Variants in ICAM3 observed in about 807,000 individuals in gnomAD.
ICAM3 encodes the protein intercellular adhesion molecule 3, also known as ICAM-3.
Under a neutral mutation model 43.6 loss-of-function variants are expected in ICAM3, and 54 were observed. The ratio of observed to expected loss-of-function variants is 1.24; its 90% CI spans 0.99 to 1.55. The LOEUF (loss-of-function observed/expected upper bound fraction) is 1.55, where lower values mean the gene tolerates loss of function less well. ICAM3 is among the 40% of genes most tolerant of loss of function. The pLI is 0.00. For missense variants in ICAM3, 715 were observed against 717.9 expected, an observed-to-expected ratio of 1.00 and a Z score of 0.05; for synonymous variants, 306 against 312.6, an observed-to-expected ratio of 0.98 and a Z score of 0.22.
chr19:10,334,510 T>A lies in ICAM3; in HGVS notation c.1192+18A>T, dbSNP rs1352630129. 1 of 1,602,510 alleles carries A rather than the reference T, an allele frequency of 6.2e-7. No homozygotes were observed. Among genetic ancestry groups the A allele is most frequent in the Non-Finnish European group, 8.5e-7 (1 of 1,172,442 alleles). On this transcript the variant is annotated intron_variant, in intron 5 of 6. Coordinates refer to ENST00000160262, the MANE Select transcript of ICAM3 (RefSeq NM_002162.5). The surrounding 1 kb of genome is among the most constrained non-coding windows in gnomAD (Gnocchi z 5.5). The stretch of plus-strand genomic sequence containing the variant: ...AGGGCAGGGGTGGAGGGATTAAAGG[T>A]CAGGGTGACCGACTCACACAGGACT...
intron 2 of ICAM3, 78 bp downstream of exon 2, chr19:10,338,604 C>CT: frequency 6.5e-6 from 9 of 1,377,954 alleles, no homozygotes; most frequent in Non-Finnish European, 9.1e-6. Context: ...AACTGAGGGT[C>CT]CCCACTCTCC....
chr19:10,334,491 G>A lies in ICAM3; in HGVS notation c.1192+37C>T. On this transcript the variant is annotated intron_variant, in intron 5 of 6. Coordinates refer to ENST00000160262, the MANE Select transcript of ICAM3 (RefSeq NM_002162.5). This position sits in a 1 kb window ranked among gnomAD's most constrained non-coding sequence, Gnocchi z 5.5. ...AGGAGCGTCTAATCTTTCCAGGGCA[G>A]GGGTGGAGGGATTAAAGGTCAGGGT... The A allele has an allele frequency of 6.2e-7, 1 of 1,602,706 alleles. No individual in the cohort carries two copies. The highest frequency in any genetic ancestry group is 1.3e-5 in the African/African-American group (1 of 74,892).
intron 2 of ICAM3, among the ~76,000 whole-genome samples, chr19:10,337,879 T>C (rs7253912): frequency 0.2 from 30,645 of 152,024 alleles, 3,185 homozygotes; most frequent in South Asian, 0.26. Context: ...CCTCCTGCCT[T>C]GGCCTCCCAA....
Position 10,334,829 on chromosome 19 carries a change from G to A in ICAM3, c.938-47C>T, listed in dbSNP as rs2040569624. On this transcript the variant is annotated intron_variant, in intron 4 of 6. Transcript: ENST00000160262. This position sits in a 1 kb window ranked among gnomAD's most constrained non-coding sequence, Gnocchi z 5.5. ...GGAGCTTAATGAACAGGACCTTCCT[G>A]TGGGTCAAGCCGCTCCCTCCGCCCT... 2.0e-6 allele frequency: 3 copies of A among 1,530,278 alleles called. No individual in the cohort carries two copies. The highest frequency in any genetic ancestry group is 2.1e-5 in the Admixed American group (1 of 48,562). The allele number at this position is 1,530,278 out of a possible 1,614,324, so 94.8% of individuals were successfully genotyped here.
In ICAM3 at chr19:10,334,343, C is replaced by G. The variant is rs2040559912; in HGVS notation, c.1258G>C (p.Val420Leu). Residue 420 changes from valine (V) to leucine (L), a missense_variant, in exon 6 of 7, where the codon GTC (valine) becomes CTC (leucine). Val to Leu is a conservative substitution (Grantham distance 32, BLOSUM62 1). Coordinates refer to ENST00000160262, the MANE Select transcript of ICAM3 (RefSeq NM_002162.5). This position sits in a 1 kb window ranked among gnomAD's most constrained non-coding sequence, Gnocchi z 5.5. ...TTGCCCCTGGCTTGGCACTGCAGGA[C>G]GTGTCTCGTTTTATCTTTCCATTTC... is the stretch of plus-strand genomic sequence containing the variant. ...HLKWKDKTRHVLQCQARGNPY... is the reference protein window; with the variant it reads ...HLKWKDKTRHLLQCQARGNPY... 1 of 1,614,180 alleles carries G rather than the reference C, an allele frequency of 6.2e-7. No homozygotes were observed. Among genetic ancestry groups the G allele is most frequent in the Admixed American group, 1.7e-5 (1 of 60,008 alleles).
At chr19:10,336,662 C>G (rs1425613891) in intron 2 of ICAM3, among the ~76,000 whole-genome samples, 2 of 151,922 alleles carry the variant, frequency 1.3e-5, no homozygotes, top group African/African-American at 4.8e-5. Flanking sequence ...AAAAATTAGC[C>G]AGGCATGGTA....
rs762850714 is a variant in ICAM3 at position 10,333,958 on chromosome 19, G to T, written c.1543C>A (p.Arg515=). The T allele has an allele frequency of 4.3e-6, 7 of 1,614,016 alleles. No homozygotes were observed. ...TCCCTAACATGGTAACTGCCGCTCC[G>T]TTGGTGCTCCCTGAAGACGTACATT... ...ALMYVFREHQ[R]SGSYHVREES... is the part of the protein sequence containing the mutation. Residue 515 remains arginine, a synonymous_variant, in exon 7 of 7, where the codon CGG becomes AGG. Coordinates refer to ENST00000160262, the MANE Select transcript of ICAM3 (RefSeq NM_002162.5). This position sits in a 1 kb window ranked among gnomAD's most constrained non-coding sequence, Gnocchi z 4.2.
In ICAM3 at chr19:10,333,863, A is replaced by C; in HGVS notation, c.1638T>G (p.Ala546=). The C allele has an allele frequency of 6.2e-7, 1 of 1,613,448 alleles. No homozygotes were observed. The highest frequency in any genetic ancestry group is 1.7e-4 in the Middle Eastern group (1 of 6,060). Residue 546 remains alanine (A), a synonymous_variant, in exon 7 of 7, where the codon GCT becomes GCG. Transcript: ENST00000160262. This position sits in a 1 kb window ranked among gnomAD's most constrained non-coding sequence, Gnocchi z 4.2. ...TEAMGEEPSR[A]E ...TTGATCCCGGATCCCAGCGTCACTC[A>C]GCTCTGGACGGTTCTTCCCCCATTG...
At chr19:10,335,508 C>G in intron 3 of ICAM3, 155 bp from the exon 4 acceptor site, 1 of 1,091,112 alleles carries the variant, frequency 9.2e-7, no homozygotes, top group Non-Finnish European at 1.3e-6. Flanking sequence ...AAAGATCCCA[C>G]GGCTCGGGCC....
rs2040625372 is a variant in ICAM3, at chr19:10,338,844, C to A, written c.181G>T (p.Glu61Ter). 1 of 1,614,080 alleles carries A rather than the reference C, an allele frequency of 6.2e-7. No homozygotes were observed. The highest frequency in any genetic ancestry group is 1.3e-5 in the African/African-American group (1 of 74,926). ...VNCSTDCPSS[E>*]KIALETSLSK... ...AGGGACGTCTCCAAGGCGATTTTCT[C>A]AGAGCTGGGACAATCAGTACTGCAG... is the stretch of plus-strand genomic sequence containing the variant. Residue 61 changes from glutamate (E) to a stop codon, truncating the protein, a stop_gained, in exon 2 of 7, where the codon GAG becomes TAG. Coordinates refer to ENST00000160262, the MANE Select transcript of ICAM3 (RefSeq NM_002162.5). LOFTEE classifies it high-confidence loss of function.
chr19:10,334,010 C>G lies in ICAM3; in HGVS notation c.1491G>C (p.Leu497=). 2 of 1,614,140 alleles carry G rather than the reference C, an allele frequency of 1.2e-6. No individual in the cohort carries two copies. The highest frequency in any genetic ancestry group is 1.7e-6 in the Non-Finnish European group (2 of 1,180,038). The part of the protein sequence containing the change: ...VPVFVAVLLT[L]GVVTIVLALM... ...AGGCCAGTACGATAGTCACCACGCCCAGGGTCAGTAACACCGCCACGAAGA... is the reference window on the plus strand; with the variant it reads ...AGGCCAGTACGATAGTCACCACGCCGAGGGTCAGTAACACCGCCACGAAGA... Residue 497 remains leucine, a synonymous_variant, in exon 7 of 7, where the codon CTG becomes CTC. Coordinates refer to ENST00000160262, the MANE Select transcript of ICAM3 (RefSeq NM_002162.5). This position sits in a 1 kb window ranked among gnomAD's most constrained non-coding sequence, Gnocchi z 5.5.
At chr19:10,338,325 C>T (rs1169078764) in intron 2 of ICAM3, among the ~76,000 whole-genome samples, 2 of 151,708 alleles carry the variant, frequency 1.3e-5, no homozygotes, top group Non-Finnish European at 2.9e-5. Context: ...ATCACTTGAA[C>T]CCAGGAGGCG....
intron 1 of ICAM3, 122 bp downstream of exon 1, chr19:10,339,417 C>G: frequency 1.2e-6 from 1 of 831,146 alleles, no homozygotes; most frequent in South Asian, 1.6e-5. Context: ...CCCGAGGATA[C>G]AGAGTCAGCG....
In ICAM3 at chr19:10,335,328, G is replaced by A. The variant is rs768074509; in HGVS notation, c.675C>T (p.Leu225=). Residue 225 remains leucine (L), a synonymous_variant, in exon 4 of 7, where the codon CTC becomes CTT. Coordinates refer to ENST00000160262, the MANE Select transcript of ICAM3 (RefSeq NM_002162.5). ...TFVLPVTPPR[L]VAPRFLEVET... The stretch of plus-strand genomic sequence containing the variant: ...CCACCTCCAAGAACCGGGGGGCCAC[G>A]AGGCGCGGGGGGGTCACGGGCAGGA... 2 of 1,610,278 alleles carry A rather than the reference G, an allele frequency of 1.2e-6. No individual in the cohort carries two copies. Among genetic ancestry groups the A allele is most frequent in the South Asian group, 1.1e-5 (1 of 91,028 alleles).
At position 10,334,837 on chromosome 19, in the gene ICAM3, A is replaced by G; in HGVS notation, c.938-55T>C. 3 of 1,524,394 alleles carry G rather than the reference A, an allele frequency of 2.0e-6. No homozygotes were observed. Among genetic ancestry groups the G allele is most frequent in the Non-Finnish European group, 2.6e-6 (3 of 1,135,682 alleles). 94.4% of individuals were successfully genotyped at this position (1,524,394 alleles called of 1,614,324 possible). A position where few individuals can be genotyped will look rare whatever the true frequency, so the allele number is the denominator to read the frequency against. Reference sequence around the variant, plus strand: ...ATGAACAGGACCTTCCTGTGGGTCAAGCCGCTCCCTCCGCCCTCCCCTTTC... The same window carrying G: ...ATGAACAGGACCTTCCTGTGGGTCAGGCCGCTCCCTCCGCCCTCCCCTTTC... On this transcript the variant is annotated intron_variant, in intron 4 of 6. Coordinates refer to ENST00000160262, the MANE Select transcript of ICAM3 (RefSeq NM_002162.5). The surrounding 1 kb of genome is among the most constrained non-coding windows in gnomAD (Gnocchi z 5.5).
chr19:10,335,340 G>T lies in ICAM3; in HGVS notation c.663C>A (p.Thr221=). The stretch of plus-strand genomic sequence containing the variant: ...ACCGGGGGGCCACGAGGCGCGGGGG[G>T]GTCACGGGCAGGACTGGGGAGAAAG... ...RQLRTFVLPV[T]PPRLVAPRFL... The change falls in exon 4 of 7, where the codon ACC becomes ACA. Residue 221 remains threonine (T), a synonymous_variant. Coordinates refer to ENST00000160262, the MANE Select transcript of ICAM3 (RefSeq NM_002162.5). The T allele has an allele frequency of 6.2e-7, 1 of 1,607,722 alleles. No individual in the cohort carries two copies. Among genetic ancestry groups the T allele is most frequent in the Non-Finnish European group, 8.5e-7 (1 of 1,178,882 alleles).
At chr19:10,336,202 T>C in intron 2 of ICAM3, 2 of 503,100 alleles carry the variant, frequency 4.0e-6, no homozygotes, top group Admixed American at 3.4e-5. Context: ...AACAAAACTT[T>C]CTGTTCTCAA....
rs1015834872 is a variant in ICAM3, at chr19:10,338,677, C to A, written c.343+5G>T. Reference sequence around the variant, plus strand: ...CCAGTCCCACCTCCGGACACGTCGACTCACTGTACACGGTGATGTTAGAGG... The same window carrying A: ...CCAGTCCCACCTCCGGACACGTCGAATCACTGTACACGGTGATGTTAGAGG... On this transcript the variant is annotated splice_donor_5th_base_variant and intron_variant, in intron 2 of 6. Coordinates refer to ENST00000160262, the MANE Select transcript of ICAM3 (RefSeq NM_002162.5). The A allele has an allele frequency of 1.2e-6, 2 of 1,613,406 alleles. No individual in the cohort carries two copies. Among genetic ancestry groups the A allele is most frequent in the African/African-American group, 1.3e-5 (1 of 75,044 alleles).
rs1253779345 is a variant in ICAM3 at position 10,334,351 on chromosome 19, G to A, written c.1250C>T (p.Thr417Met). Reference protein sequence around the residue: ...CPQHLKWKDKTRHVLQCQARG... With the variant: ...CPQHLKWKDKMRHVLQCQARG... ...GGCTTGGCACTGCAGGACGTGTCTC[G>A]TTTTATCTTTCCATTTCAAGTGCTG... is the stretch of plus-strand genomic sequence containing the variant. The change falls in exon 6 of 7, where the codon ACG becomes ATG. Residue 417 changes from threonine (T) to methionine (M), a missense_variant. Thr to Met is a moderately conservative substitution (Grantham distance 81). Coordinates refer to ENST00000160262, the MANE Select transcript of ICAM3 (RefSeq NM_002162.5). This position sits in a 1 kb window ranked among gnomAD's most constrained non-coding sequence, Gnocchi z 5.5. 2.5e-6 allele frequency: 4 copies of A among 1,614,052 alleles called. No individual in the cohort carries two copies. The Admixed American group carries it at 5.0e-5, about 20-fold the overall frequency.
Sources: gnomAD v4.1 joint callset for allele counts (sites outside exome capture counted in the v4.1 genomes callset) on GRCh38, gnomAD v4.1.1 for gene constraint, Gnocchi (gnomAD v3.1) non-coding constraint, MANE v1.5 for transcripts, NCBI Gene and HGNC (gene_info 2026-07-23, HGNC 2026-07-21) for gene names.